OR51B5: variants seen among roughly 807,000 people sequenced by gnomAD.
The protein encoded by OR51B5 is olfactory receptor 51B5.
For synonymous variants in OR51B5, 186 were observed against 144.8 expected, an observed-to-expected ratio of 1.28 and a Z score of -2.04; for missense variants, 456 against 374.6, an observed-to-expected ratio of 1.22 and a Z score of -1.79.
At chr11:5,389,025 A>G (rs909837607) in intron 1 of OR51B5, among the ~76,000 whole-genome samples, 1 of 152,170 alleles carries the variant, frequency 6.6e-6, no homozygotes, top group Admixed American at 6.5e-5. Flanking sequence ...CTGGAATTAT[A>G]TATTTGTTAT....
intron 1 of OR51B5, among the ~76,000 whole-genome samples, chr11:5,435,240 C>G (rs1564812378): frequency 6.6e-6 from 1 of 152,232 alleles, no homozygotes; most frequent in Non-Finnish European, 1.5e-5. Flanking sequence ...CCCTAAACCA[C>G]TATCCTGGAC....
chr11:5,499,011 C>T (rs985389861), intron 1 of OR51B5, among the ~76,000 whole-genome samples: 1 of 152,216 alleles, frequency 6.6e-6, no homozygotes, highest in Admixed American at 6.5e-5. Context: ...ATTATTCCGA[C>T]ATGGGACACA....
intron 1 of OR51B5, among the ~76,000 whole-genome samples, chr11:5,386,379 G>A (rs1044345426): frequency 3.3e-5 from 5 of 152,044 alleles, no homozygotes; most frequent in Non-Finnish European, 5.9e-5. Flanking sequence ...CCTGATTTTC[G>A]CTCACTACCA....
At chr11:5,353,952 T>C (rs572010154) in intron 1 of OR51B5, among the ~76,000 whole-genome samples, 25 of 152,110 alleles carry the variant, frequency 1.6e-4, no homozygotes, top group Non-Finnish European at 2.9e-4. Context: ...TTGTTTGTTT[T>C]ACTCAACTTG....
chr11:5,440,419 A>G, intron 1 of OR51B5: 4 of 588,270 alleles, frequency 6.8e-6, no homozygotes, highest in South Asian at 4.6e-5. Flanking sequence ...ATAAATATGT[A>G]TGCCATTTTA....
At chr11:5,375,137 G>A (rs893957200) in intron 1 of OR51B5, among the ~76,000 whole-genome samples, 3 of 147,598 alleles carry the variant, frequency 2.0e-5, no homozygotes, top group East Asian at 2.0e-4. Flanking sequence ...CAGCTCTCTT[G>A]GCAGAAACTC....
intron 1 of OR51B5, chr11:5,453,636 C>G: frequency 1.2e-6 from 2 of 1,613,492 alleles, no homozygotes; most frequent in Non-Finnish European, 1.7e-6. Context: ...GCAGGCTGTG[C>G]GAGTGGAGCC....
chr11:5,439,875 C>A (rs1370232495), intron 1 of OR51B5, among the ~76,000 whole-genome samples: 6 of 152,086 alleles, frequency 3.9e-5, no homozygotes, highest in Non-Finnish European at 8.8e-5. Context: ...TTATGTGGGG[C>A]CTAAGAATCT....
chr11:5,470,102 G>A (rs1851204877), intron 1 of OR51B5, among the ~76,000 whole-genome samples: 1 of 152,122 alleles, frequency 6.6e-6, no homozygotes, highest in African/African-American at 2.4e-5. Context: ...TGTGCTGTAT[G>A]CTAGATTATT....
At chr11:5,469,556 A>T (rs1433563700) in intron 1 of OR51B5, 1 of 124,362 alleles carries the variant, frequency 8.0e-6, no homozygotes, top group Non-Finnish European at 1.8e-5. Context: ...AGTGCCAAAG[A>T]TTTGGAAAGT....
chr11:5,359,692 C>A (rs943145487), intron 1 of OR51B5, among the ~76,000 whole-genome samples: 14 of 150,690 alleles, frequency 9.3e-5, no homozygotes, highest in African/African-American at 3.4e-4. Flanking sequence ...ACATGCCAAT[C>A]CTAAGCCAAA....
At chr11:5,427,766 T>C (rs1418867668) in intron 1 of OR51B5, among the ~76,000 whole-genome samples, 1 of 152,310 alleles carries the variant, frequency 6.6e-6, no homozygotes, top group East Asian at 1.9e-4. Context: ...ATTAAAATGT[T>C]TTTCTACCAT....
At chr11:5,429,468 A>G (rs1438639298) in intron 1 of OR51B5, among the ~76,000 whole-genome samples, 1 of 152,192 alleles carries the variant, frequency 6.6e-6, no homozygotes, top group East Asian at 1.9e-4. Context: ...TTGTAATTGG[A>G]GGCCCCAAAG....
downstream of OR51B5, chr11:5,341,318 C>A (rs1362282825): frequency 6.6e-6 from 1 of 152,048 alleles, no homozygotes; most frequent in South Asian, 2.1e-4. Context: ...GGAGCAGGGG[C>A]CATTTTCTTC....
intron 1 of OR51B5, chr11:5,488,885 C>A (rs770284921): frequency 6.2e-7 from 1 of 1,614,040 alleles, no homozygotes; most frequent in South Asian, 1.1e-5. Context: ...GCTCTTCATG[C>A]ACCTATGTAC....
At chr11:5,488,636 A>G in intron 1 of OR51B5, 1 of 1,114,308 alleles carries the variant, frequency 9.0e-7, no homozygotes, top group Non-Finnish European at 1.3e-6. Flanking sequence ...ACATAAATCA[A>G]CCAAATATCT....
At chr11:5,380,118 GAA>G (rs1263160517) in intron 1 of OR51B5, among the ~76,000 whole-genome samples, 1 of 151,678 alleles carries the variant, frequency 6.6e-6, no homozygotes, top group African/African-American at 2.4e-5. Flanking sequence ...GGGTCTCTCT[GAA>G]AAGTTTTCAC....
intron 1 of OR51B5, among the ~76,000 whole-genome samples, chr11:5,444,998 T>C (rs1424335773): frequency 6.6e-6 from 1 of 152,154 alleles, no homozygotes; most frequent in Non-Finnish European, 1.5e-5. Flanking sequence ...TAACTATTTA[T>C]TTACTAACAT....
intron 1 of OR51B5, among the ~76,000 whole-genome samples, chr11:5,374,673 T>A (rs901120447): frequency 1.3e-5 from 2 of 151,976 alleles, no homozygotes; most frequent in African/African-American, 4.8e-5. Flanking sequence ...GGCTCGAGAA[T>A]GACGTGAAGA....
Sources: gnomAD v4.1 joint callset for allele counts (sites outside exome capture counted in the v4.1 genomes callset) on GRCh38, gnomAD v4.1.1 for gene constraint, MANE v1.5 for transcripts, NCBI Gene and HGNC (gene_info 2026-07-23, HGNC 2026-07-21) for gene names.